NRXN3: variants seen among roughly 807,000 people sequenced by gnomAD.
The protein encoded by NRXN3 is neurexin 3, also known as neurexin III.
Under a neutral mutation model 137.6 loss-of-function variants are expected in NRXN3, and 32 were observed. The ratio of observed to expected loss-of-function variants is 0.23; its 90% CI spans 0.18 to 0.31. The LOEUF is 0.31. NRXN3 is among the 10% of genes least tolerant of loss of function. The pLI, the probability that NRXN3 is intolerant of heterozygous loss-of-function variation, is 1.00. For missense variants in NRXN3, 1,574 were observed against 2,062.5 expected, an observed-to-expected ratio of 0.76 and a Z score of 4.59; for synonymous variants, 798 against 784.5, an observed-to-expected ratio of 1.02 and a Z score of -0.29.
intron 15 of NRXN3, among the ~76,000 whole-genome samples, chr14:79,340,721 C>T (rs2092564479): frequency 6.6e-6 from 1 of 152,216 alleles, no homozygotes; most frequent in Non-Finnish European, 1.5e-5. Flanking sequence ...ACCTCGGCCT[C>T]CCAAAGTGCT....
chr14:79,233,421 T>C (rs2072615708), intron 15 of NRXN3, among the ~76,000 whole-genome samples: 1 of 152,152 alleles, frequency 6.6e-6, no homozygotes, highest in South Asian at 2.1e-4. Context: ...CAGTGCTGCC[T>C]AGCCTAGCAA....
At chr14:79,173,259 G>A (rs1437383823) in intron 15 of NRXN3, among the ~76,000 whole-genome samples, 2 of 152,054 alleles carry the variant, frequency 1.3e-5, no homozygotes, top group Non-Finnish European at 2.9e-5. Context: ...GCCAGGCACG[G>A]TGGCTCAATC....
At chr14:79,786,035 G>C (rs1044964808) in intron 19 of NRXN3, among the ~76,000 whole-genome samples, 1 of 152,082 alleles carries the variant, frequency 6.6e-6, no homozygotes, top group Non-Finnish European at 1.5e-5. Context: ...GGACAGATAA[G>C]ACTTCCAGAA....
At chr14:79,510,958 G>T (rs1420260870) in intron 16 of NRXN3, among the ~76,000 whole-genome samples, 1 of 152,158 alleles carries the variant, frequency 6.6e-6, no homozygotes, top group African/African-American at 2.4e-5. Context: ...TTGAGCAAGA[G>T]ACTCTGTAGT....
intron 17 of NRXN3, among the ~76,000 whole-genome samples, chr14:79,676,743 A>G (rs1221472514): frequency 6.6e-6 from 1 of 151,910 alleles, no homozygotes; most frequent in Non-Finnish European, 1.5e-5. Flanking sequence ...ACTTTTTTTA[A>G]AAGCCAAACT....
At chr14:78,530,046 A>G (rs2096437878) in intron 4 of NRXN3, among the ~76,000 whole-genome samples, 2 of 152,230 alleles carry the variant, frequency 1.3e-5, no homozygotes, top group Non-Finnish European at 2.9e-5. Context: ...TCTAAAATTC[A>G]CATAGGAATT....
chr14:78,351,329 A>G (rs2083461640), intron 4 of NRXN3, among the ~76,000 whole-genome samples: 1 of 152,190 alleles, frequency 6.6e-6, no homozygotes, highest in South Asian at 2.1e-4. Flanking sequence ...ATGAATGAGG[A>G]CCTTTCTAGG....
rs1284887513 is a variant in NRXN3 at position 78,659,637 on chromosome 14, G to A, written c.1221+8311G>A. Among the ~76,000 whole-genome samples the A allele has an allele frequency of 2.0e-5, 3 of 150,888 alleles. No homozygotes were observed. The East Asian group carries it at 5.9e-4, about 29-fold the overall frequency. Reference sequence around the variant, plus strand: ...TGAGGCTGCAGTGAGCCAAGATGGTGCCACTGCACTCTAGTCTGGGCAACA... The same window carrying A: ...TGAGGCTGCAGTGAGCCAAGATGGTACCACTGCACTCTAGTCTGGGCAACA... On this transcript the variant is annotated intron_variant, in intron 6 of 20. Transcript: ENST00000335750.
At chr14:78,999,653 A>C (rs1307150767) in intron 15 of NRXN3, among the ~76,000 whole-genome samples, 1 of 152,192 alleles carries the variant, frequency 6.6e-6, no homozygotes, top group East Asian at 1.9e-4. Flanking sequence ...TTTCTTTTCA[A>C]TCTTGCCCTT....
At chr14:79,819,862 C>T (rs1172354598) in intron 20 of NRXN3, among the ~76,000 whole-genome samples, 1 of 152,032 alleles carries the variant, frequency 6.6e-6, no homozygotes, top group African/African-American at 2.4e-5. Flanking sequence ...CAATAACAAA[C>T]TAAACCAGGG....
chr14:79,606,754 G>C (rs2098024368), intron 16 of NRXN3, among the ~76,000 whole-genome samples: 2 of 152,176 alleles, frequency 1.3e-5, no homozygotes, highest in Non-Finnish European at 1.5e-5. Context: ...ATATAATCCA[G>C]AGTCACGGTT....
intron 15 of NRXN3, among the ~76,000 whole-genome samples, chr14:79,462,897 T>C (rs1308461915): frequency 6.6e-6 from 1 of 152,152 alleles, no homozygotes; most frequent in African/African-American, 2.4e-5. Context: ...TATGTATGTA[T>C]ATGTATATGT....
intron 15 of NRXN3, among the ~76,000 whole-genome samples, chr14:79,136,641 C>T (rs2653549): frequency 0.018 from 2,684 of 152,298 alleles, 77 homozygotes; most frequent in African/African-American, 0.062. Context: ...GCTCCTCTCA[C>T]AATGGGGCCA....
chr14:79,639,947 G>GCCCTTCACAGAGTGGAGATGA (rs1567748976), intron 16 of NRXN3, among the ~76,000 whole-genome samples: 4 of 135,868 alleles, frequency 2.9e-5, no homozygotes, highest in Admixed American at 7.7e-5. Context: ...CCCAAGAAGT[G>GCCCTTCACAGAGTGGAGATGA]GTTTCAGTAT....
intron 15 of NRXN3, among the ~76,000 whole-genome samples, chr14:79,320,193 T>C (rs2153266121): frequency 6.6e-6 from 1 of 152,290 alleles, no homozygotes; most frequent in South Asian, 2.1e-4. Context: ...CTGTGTTCAA[T>C]AAAAACACGT....
At chr14:78,803,880 T>C in intron 9 of NRXN3, 57 bp downstream of exon 9, 1 of 1,470,190 alleles carries the variant, frequency 6.8e-7, no homozygotes, top group Non-Finnish European at 9.4e-7. Flanking sequence ...CTTTCTTTTC[T>C]GATTTTCATT....
intron 15 of NRXN3, among the ~76,000 whole-genome samples, chr14:79,222,810 C>T (rs746519127): frequency 1.1e-4 from 17 of 152,006 alleles, no homozygotes; most frequent in Non-Finnish European, 2.5e-4. Flanking sequence ...TAATTATTGC[C>T]ATCTGTATTA....
intron 4 of NRXN3, among the ~76,000 whole-genome samples, chr14:78,428,738 A>G (rs1020400642): frequency 6.6e-6 from 1 of 152,146 alleles, no homozygotes; most frequent in African/African-American, 2.4e-5. Flanking sequence ...CCAGTGTTTC[A>G]GTTCAAAGGC....
Position 79,750,869 on chromosome 14 carries a change from C to A in NRXN3, c.4014+52932C>A, listed in dbSNP as rs540625911. On this transcript the variant is annotated intron_variant, in intron 19 of 20. Transcript: ENST00000335750. ...AAAATGTCAGGGTGACCAGAGAGAA[C>A]CTTAGATAGGACAGCTAATCTCTTG... 2.0e-5 allele frequency among the ~76,000 whole-genome samples: 3 copies of A among 152,152 alleles called. No individual in the cohort carries two copies. The East Asian group carries it at 5.8e-4, about 29-fold the overall frequency.
Sources: gnomAD v4.1 joint callset for allele counts (sites outside exome capture counted in the v4.1 genomes callset) on GRCh38, gnomAD v4.1.1 for gene constraint, MANE v1.5 for transcripts, NCBI Gene and HGNC (gene_info 2026-07-23, HGNC 2026-07-21) for gene names.